Variants in ARIH1 observed in about 807,000 individuals in gnomAD.
The protein encoded by ARIH1 is ariadne RBR E3 ubiquitin protein ligase 1.
In ARIH1, 8 loss-of-function variants were observed where a neutral mutation model predicts 85.0. That is an observed-to-expected ratio of 0.09 (90% CI 0.06 to 0.17). The LOEUF (loss-of-function observed/expected upper bound fraction) is 0.17, where lower values mean the gene tolerates loss of function less well. Ranked by LOEUF, ARIH1 falls within the 10% of genes least tolerant of loss-of-function variation. The pLI is 1.00. For missense variants in ARIH1, 311 were observed against 718.1 expected (o/e 0.43, Z 6.48); for synonymous variants, 238 against 253.6 (o/e 0.94, Z 0.59).
intron 1 of ARIH1, among the ~76,000 whole-genome samples, chr15:72,509,206 G>T (rs2063939710): frequency 1.3e-5 from 2 of 151,500 alleles, no homozygotes; most frequent in South Asian, 4.2e-4. Flanking sequence ...GGTCAGCCTG[G>T]CCTTGAAGTC....
chr15:72,525,376 A>C (rs995385501), intron 2 of ARIH1, among the ~76,000 whole-genome samples: 1 of 152,258 alleles, frequency 6.6e-6, no homozygotes, highest in Non-Finnish European at 1.5e-5. Context: ...ATTCTTAGCA[A>C]ACTGAGAAAG....
chr15:72,481,065 G>C (rs971171841), intron 1 of ARIH1, among the ~76,000 whole-genome samples: 22 of 152,326 alleles, frequency 1.4e-4, no homozygotes, highest in African/African-American at 5.1e-4. Context: ...GGGTGTACAA[G>C]CCTGTGCATG....
intron 1 of ARIH1, among the ~76,000 whole-genome samples, chr15:72,493,941 A>C (rs1567338842): frequency 6.6e-6 from 1 of 152,176 alleles, no homozygotes; most frequent in East Asian, 1.9e-4. Context: ...AGCACAAAAG[A>C]TTTAAAAAAA....
intron 1 of ARIH1, among the ~76,000 whole-genome samples, chr15:72,487,289 T>G (rs1334382496): frequency 6.6e-6 from 1 of 152,148 alleles, no homozygotes. Flanking sequence ...TCCCCAGGCT[T>G]GCTTTGCCAT....
At chr15:72,529,805 A>G (rs2064047743) in intron 2 of ARIH1, among the ~76,000 whole-genome samples, 1 of 152,206 alleles carries the variant, frequency 6.6e-6, no homozygotes, top group Middle Eastern at 3.2e-3. Flanking sequence ...TTGAACAATT[A>G]TGAGATTGAA....
chr15:72,602,714 C>G lies in ARIH1; in HGVS notation c.*19422C>G, dbSNP rs1448775543. 6.6e-6 allele frequency: 1 copy of G among 152,162 alleles called. No individual in the cohort carries two copies. Among genetic ancestry groups the G allele is most frequent in the African/African-American group, 2.4e-5 (1 of 41,428 alleles). The allele number at this position is 152,162 out of a possible 1,614,324, so 9.4% of individuals were successfully genotyped here. ...CTCTTGACTGACTTTTTCTTCTTCA[C>G]CCTGTCCGGCACTGTGCCCTTATTA... On this transcript the variant is annotated 3_prime_UTR_variant, in exon 14 of 14. Transcript: ENST00000379887.
intron 1 of ARIH1, among the ~76,000 whole-genome samples, chr15:72,510,339 T>C (rs767307608): frequency 1.3e-5 from 2 of 152,300 alleles, no homozygotes; most frequent in Admixed American, 6.5e-5. Context: ...TTTTGATGTA[T>C]GTACGAACTA....
At chr15:72,527,002 A>G (rs925577247) in intron 2 of ARIH1, among the ~76,000 whole-genome samples, 11 of 151,878 alleles carry the variant, frequency 7.2e-5, no homozygotes, top group African/African-American at 2.7e-4. Context: ...TACAGCAACA[A>G]CTGTTATCTG....
intron 1 of ARIH1, among the ~76,000 whole-genome samples, chr15:72,493,933 C>T (rs879552464): frequency 6.6e-6 from 1 of 151,912 alleles, no homozygotes; most frequent in African/African-American, 2.4e-5. Flanking sequence ...ATTCAAAAAG[C>T]ACAAAAGATT....
At chr15:72,537,922 A>G (rs1021016610) in intron 2 of ARIH1, among the ~76,000 whole-genome samples, 5 of 152,230 alleles carry the variant, frequency 3.3e-5, no homozygotes, top group African/African-American at 9.7e-5. Context: ...ATGGATACAT[A>G]TAACCTATAA....
chr15:72,496,776 A>G, intron 1 of ARIH1: 1 of 984,760 alleles, frequency 1.0e-6, no homozygotes, highest in Non-Finnish European at 1.2e-6. Context: ...TGATCTGTCC[A>G]TCTGTCTGTT....
At chr15:72,579,363 A>AT (rs577946931) in intron 11 of ARIH1, among the ~76,000 whole-genome samples, 56 of 150,094 alleles carry the variant, frequency 3.7e-4, no homozygotes, top group African/African-American at 1.3e-3. Context: ...TCAAATTCAG[A>AT]TTCAGTGGTT....
At chr15:72,554,543 C>T (rs1036658767) in intron 3 of ARIH1, among the ~76,000 whole-genome samples, 13 of 152,076 alleles carry the variant, frequency 8.5e-5, no homozygotes, top group Admixed American at 5.2e-4. Context: ...TGTGCTACCA[C>T]ACCTGGCTAA....
At chr15:72,521,321 A>C (rs1567345699) in intron 2 of ARIH1, among the ~76,000 whole-genome samples, 2 of 150,822 alleles carry the variant, frequency 1.3e-5, no homozygotes, top group Non-Finnish European at 2.9e-5. Context: ...ACAAACTTTA[A>C]GTCCTATAAT....
At chr15:72,528,742 C>T (rs1343695930) in intron 2 of ARIH1, among the ~76,000 whole-genome samples, 2 of 152,164 alleles carry the variant, frequency 1.3e-5, no homozygotes, top group Non-Finnish European at 2.9e-5. Context: ...ATAGTCCCAG[C>T]TACTCAGAAG....
chr15:72,501,657 C>T (rs1294943348), intron 1 of ARIH1, among the ~76,000 whole-genome samples: 15 of 152,158 alleles, frequency 9.9e-5, no homozygotes, highest in Admixed American at 9.8e-4. Context: ...ACGTGGAATG[C>T]TGATACTTAG....
In ARIH1 at chr15:72,594,182, T is replaced by G. The variant is rs558085779; in HGVS notation, c.*10890T>G. 1.3e-5 allele frequency: 2 copies of G among 151,622 alleles called. No homozygotes were observed. Among genetic ancestry groups the G allele is most frequent in the South Asian group, 4.2e-4 (2 of 4,808 alleles). 9.4% of individuals were successfully genotyped at this position (151,622 alleles called of 1,614,324 possible). Reference sequence around the variant, plus strand: ...TTCTTTTTCTTTTTTTCTTTTTTTTTTTTTGAGACGGAGTTTTGCTCTTGT... The same window carrying G: ...TTCTTTTTCTTTTTTTCTTTTTTTTGTTTTGAGACGGAGTTTTGCTCTTGT... On this transcript the variant is annotated 3_prime_UTR_variant, in exon 14 of 14. Transcript: ENST00000379887.
intron 1 of ARIH1, among the ~76,000 whole-genome samples, chr15:72,477,265 C>G (rs2063798495): frequency 6.6e-6 from 1 of 152,104 alleles, no homozygotes; most frequent in Admixed American, 6.6e-5. Context: ...GCCCATTGCC[C>G]CTCTTTGGGA....
intron 1 of ARIH1, among the ~76,000 whole-genome samples, chr15:72,482,138 T>C (rs1019744447): frequency 6.6e-6 from 1 of 152,152 alleles, no homozygotes; most frequent in Non-Finnish European, 1.5e-5. Flanking sequence ...ACCCGGCCAG[T>C]ATTTTCAAAT....
Sources: allele counts gnomAD v4.1 joint callset (sites outside exome capture counted in the v4.1 genomes callset), GRCh38; gene constraint gnomAD v4.1.1; transcripts MANE v1.5; gene names NCBI Gene and HGNC (gene_info 2026-07-23, HGNC 2026-07-21).